CSMD1: variants seen among roughly 807,000 people sequenced by gnomAD.
CSMD1 encodes CUB and sushi domain-containing protein 1.
In CSMD1, 213 loss-of-function variants were observed where a neutral mutation model predicts 417.5. That is an observed-to-expected ratio of 0.51 (90% CI 0.46 to 0.57). CSMD1 has a LOEUF of 0.57. Ranked by LOEUF, CSMD1 falls within the 20% of genes least tolerant of loss-of-function variation. CSMD1 has a pLI of 0.00. For synonymous variants in CSMD1, 2,862 were observed against 1,736.8 expected, an observed-to-expected ratio of 1.65 and a Z score of -16.11; for missense variants, 6,923 against 4,529.7, an observed-to-expected ratio of 1.53 and a Z score of -15.17.
intron 1 of CSMD1, among the ~76,000 whole-genome samples, chr8:4,950,405 A>C (rs1231840440): frequency 6.6e-6 from 1 of 152,110 alleles, no homozygotes; most frequent in African/African-American, 2.4e-5. Context: ...CCCACAAACA[A>C]GCGTTTTTAG....
chr8:3,710,346 G>A (rs555013588), intron 6 of CSMD1, among the ~76,000 whole-genome samples: 43 of 152,234 alleles, frequency 2.8e-4, no homozygotes, highest in African/African-American at 9.4e-4. Flanking sequence ...AACTGGCTTT[G>A]TTTCTCTGGA....
At chr8:3,579,455 T>C (rs962464626) in intron 9 of CSMD1, among the ~76,000 whole-genome samples, 2 of 152,216 alleles carry the variant, frequency 1.3e-5, no homozygotes, top group African/African-American at 4.8e-5. Flanking sequence ...ATTGATTAAA[T>C]TTAAATTAGT....
intron 3 of CSMD1, among the ~76,000 whole-genome samples, chr8:4,046,049 AT>A (rs970518728): frequency 3.9e-5 from 6 of 152,158 alleles, no homozygotes; most frequent in Admixed American, 1.3e-4. Flanking sequence ...TGCAGATTAG[AT>A]TTTAAAATCA....
intron 23 of CSMD1, among the ~76,000 whole-genome samples, chr8:3,327,598 C>T (rs754090423): frequency 2.6e-5 from 4 of 152,002 alleles, no homozygotes; most frequent in East Asian, 1.9e-4. Flanking sequence ...AATAAGAATT[C>T]GTAGGATAAT....
intron 1 of CSMD1, among the ~76,000 whole-genome samples, chr8:4,751,005 A>T (rs1419855071): frequency 6.6e-6 from 1 of 152,208 alleles, no homozygotes; most frequent in Non-Finnish European, 1.5e-5. Flanking sequence ...TCAGACCCTT[A>T]TATGGTGGCT....
intron 21 of CSMD1, among the ~76,000 whole-genome samples, chr8:3,353,320 C>A (rs1808536767): frequency 6.6e-6 from 1 of 152,158 alleles, no homozygotes; most frequent in African/African-American, 2.4e-5. Context: ...CAAATTAAAT[C>A]AGAAGAATTC....
rs547625456 is a variant in CSMD1 at position 4,885,838 on chromosome 8, C to T, written c.85+108494G>A. Among the ~76,000 whole-genome samples the T allele has an allele frequency of 1.3e-4, 20 of 152,002 alleles. 1 individual carries two copies. The South Asian group carries it at 3.5e-3, about 27-fold the overall frequency. On this transcript the variant is annotated intron_variant, in intron 1 of 69. Coordinates refer to ENST00000635120, the MANE Select transcript of CSMD1 (RefSeq NM_033225.6). ...CAATTTATATATGTATTATTTGTTG[C>T]TTGTGTTTTTGCTCTTATCTGAAAA...
chr8:3,047,713 G>C (rs1341534218), intron 50 of CSMD1, among the ~76,000 whole-genome samples: 5 of 152,110 alleles, frequency 3.3e-5, no homozygotes, highest in Non-Finnish European at 5.9e-5. Flanking sequence ...TTTTCACATA[G>C]TTGGCTCTTT....
At chr8:3,519,960 G>A (rs1797433477) in intron 10 of CSMD1, among the ~76,000 whole-genome samples, 1 of 150,968 alleles carries the variant, frequency 6.6e-6, no homozygotes, top group South Asian at 2.1e-4. Context: ...CTGAAAGTCA[G>A]GCACACTTTT....
chr8:4,130,052 G>A (rs746185279), intron 3 of CSMD1, among the ~76,000 whole-genome samples: 1 of 152,068 alleles, frequency 6.6e-6, no homozygotes, highest in African/African-American at 2.4e-5. Context: ...TATATTAGAA[G>A]AAAATGATCG....
intron 3 of CSMD1, among the ~76,000 whole-genome samples, chr8:4,329,399 C>T (rs1799740684): frequency 6.6e-6 from 1 of 152,078 alleles, no homozygotes; most frequent in African/African-American, 2.4e-5. Flanking sequence ...AGTGATTCTC[C>T]CACCGCAGCC....
chr8:4,309,496 A>C (rs1474292130), intron 3 of CSMD1, among the ~76,000 whole-genome samples: 1 of 152,148 alleles, frequency 6.6e-6, no homozygotes, highest in African/African-American at 2.4e-5. Flanking sequence ...TTCTCTCATC[A>C]AATTTCTAAA....
At chr8:4,925,440 T>C (rs913614310) in intron 1 of CSMD1, among the ~76,000 whole-genome samples, 1 of 152,080 alleles carries the variant, frequency 6.6e-6, no homozygotes, top group African/African-American at 2.4e-5. Context: ...GAACTTACTG[T>C]TAATCATTTC....
At chr8:4,671,592 C>T (rs1005186860) in intron 1 of CSMD1, among the ~76,000 whole-genome samples, 1 of 152,208 alleles carries the variant, frequency 6.6e-6, no homozygotes, top group African/African-American at 2.4e-5. Context: ...TAGTCTCAAA[C>T]AACGTTATCT....
chr8:4,688,566 T>G (rs1232672523), intron 1 of CSMD1, among the ~76,000 whole-genome samples: 4 of 152,214 alleles, frequency 2.6e-5, no homozygotes, highest in Non-Finnish European at 5.9e-5. Context: ...GGTCTCCCAC[T>G]AAGCAGCAGT....
At chr8:3,277,164 G>A (rs531069086) in intron 26 of CSMD1, among the ~76,000 whole-genome samples, 7 of 152,228 alleles carry the variant, frequency 4.6e-5, no homozygotes, top group South Asian at 2.1e-4. Flanking sequence ...GTGGAGGATG[G>A]TGATTGAGGA....
At chr8:4,397,731 T>C (rs935315397) in intron 3 of CSMD1, among the ~76,000 whole-genome samples, 1 of 152,078 alleles carries the variant, frequency 6.6e-6, no homozygotes, top group Admixed American at 6.6e-5. Context: ...AATCTCAAAA[T>C]ACAAATATGT....
intron 3 of CSMD1, among the ~76,000 whole-genome samples, chr8:4,414,875 G>T (rs761270619): frequency 6.6e-6 from 1 of 152,076 alleles, no homozygotes; most frequent in Non-Finnish European, 1.5e-5. Flanking sequence ...CATATGAGGT[G>T]CCATCTACTG....
intron 51 of CSMD1, 129 bp downstream of exon 51, chr8:3,029,190 C>T (rs1344432434): frequency 1.6e-6 from 1 of 614,702 alleles, no homozygotes; most frequent in East Asian, 2.9e-5. Flanking sequence ...AAAAGACAGG[C>T]CATTTGTTCT....
Sources: allele counts gnomAD v4.1 joint callset (sites outside exome capture counted in the v4.1 genomes callset), GRCh38; gene constraint gnomAD v4.1.1; transcripts MANE v1.5; gene names NCBI Gene and HGNC (gene_info 2026-07-23, HGNC 2026-07-21).